DCAF1: variants seen among roughly 807,000 people sequenced by gnomAD.
DCAF1 encodes DDB1 and CUL4 associated factor 1.
In DCAF1, 15 loss-of-function variants were observed where a neutral mutation model predicts 128.0. The observed-to-expected ratio is 0.12, with a 90% confidence interval of 0.08 to 0.18. DCAF1 has a LOEUF of 0.18. Ranked by LOEUF, DCAF1 falls within the 10% of genes least tolerant of loss-of-function variation. The pLI is 1.00. For synonymous variants in DCAF1, 610 were observed against 603.0 expected (o/e 1.01, Z -0.17); for missense variants, 988 against 1,649.5 (o/e 0.60, Z 6.95).
chr3:51,437,787 C>T (rs1455575972), intron 9 of DCAF1, among the ~76,000 whole-genome samples: 1 of 151,824 alleles, frequency 6.6e-6, no homozygotes, highest in Non-Finnish European at 1.5e-5. Context: ...TGCACTCCAG[C>T]CTGGGTGACA....
Position 51,455,343 on chromosome 3 carries a change from T to C in DCAF1, c.375+7771A>G, listed in dbSNP as rs186998260. ...CACATGGGCCAGGCATGGTGTCTCA[T>C]GTCTGTAATCCCAGCACTTTGGGAG... On this transcript the variant is annotated intron_variant, in intron 6 of 24. Coordinates refer to ENST00000684031, the MANE Select transcript of DCAF1 (RefSeq NM_001387579.1). 8.6e-5 allele frequency among the ~76,000 whole-genome samples: 13 copies of C among 151,900 alleles called. No individual in the cohort carries two copies. The South Asian group carries it at 1.5e-3, about 17-fold the overall frequency.
At chr3:51,477,064 A>G (rs1363261582) in intron 3 of DCAF1, among the ~76,000 whole-genome samples, 4 of 152,058 alleles carry the variant, frequency 2.6e-5, no homozygotes, top group Non-Finnish European at 5.9e-5. Context: ...CCTGAGCGAC[A>G]GAGTGAGACT....
chr3:51,473,744 G>C (rs1034176496), intron 3 of DCAF1, among the ~76,000 whole-genome samples: 2 of 151,480 alleles, frequency 1.3e-5, no homozygotes, highest in Non-Finnish European at 2.9e-5. Flanking sequence ...CTGGGCTCAA[G>C]CCCACCCTGG....
chr3:51,491,360 A>T lies in DCAF1; in HGVS notation c.-9+5374T>A, dbSNP rs1244332778. Among the ~76,000 whole-genome samples the T allele has an allele frequency of 5.9e-5, 9 of 152,182 alleles. No individual in the cohort carries two copies. The East Asian group carries it at 1.7e-3, about 29-fold the overall frequency. On this transcript the variant is annotated intron_variant, in intron 2 of 24. Transcript: ENST00000684031. ...AGACTATGTCTCCAAAAAAAAAAAA[A>T]AAAGTTGGAAAAATCACACTTCTGA... is the stretch of plus-strand genomic sequence containing the variant.
rs115956678 is a variant in DCAF1 at position 51,446,528 on chromosome 3, G to A, written c.376-2625C>T. ...CTCCTATAGTTCACGCTACTTGGGA[G>A]GCTGAGGCAGGAAGATCACTTGAGC... is the stretch of plus-strand genomic sequence containing the variant. On this transcript the variant is annotated intron_variant, in intron 6 of 24. Transcript: ENST00000684031. 4.4e-3 allele frequency among the ~76,000 whole-genome samples: 663 copies of A among 152,258 alleles called. 3 individuals are homozygous for A. The highest frequency in any genetic ancestry group is 0.015 in the African/African-American group (631 of 41,566).
chr3:51,440,910 T>C (rs1701301204), intron 9 of DCAF1, 60 bp downstream of exon 9: 1 of 1,436,044 alleles, frequency 7.0e-7, no homozygotes. Flanking sequence ...CATCTTAAAT[T>C]TAAAAAAAAA....
rs1385248872 is a variant in DCAF1 at position 51,418,542 on chromosome 3, A to G, written c.3435+136T>C. On this transcript the variant is annotated intron_variant, in intron 16 of 24. Transcript: ENST00000684031. Reference sequence around the variant, plus strand: ...TTCCTCAGTCTCCATCTGAAATATGAATTAACCTCAACTAGACTTTCCAGT... The same window carrying G: ...TTCCTCAGTCTCCATCTGAAATATGGATTAACCTCAACTAGACTTTCCAGT... The G allele has an allele frequency of 9.9e-6, 14 of 1,412,772 alleles. No individual in the cohort carries two copies. The East Asian group carries it at 2.9e-4, about 30-fold the overall frequency. 87.5% of individuals were successfully genotyped at this position (1,412,772 alleles called of 1,614,324 possible). A position where few individuals can be genotyped will look rare whatever the true frequency, so the allele number is the denominator to read the frequency against.
At chr3:51,481,113 C>T (rs1706138788) in intron 3 of DCAF1, among the ~76,000 whole-genome samples, 1 of 152,118 alleles carries the variant, frequency 6.6e-6, no homozygotes, top group Admixed American at 6.6e-5. Flanking sequence ...GTGAAAACAA[C>T]TTTTTATGCA....
intron 1 of DCAF1, among the ~76,000 whole-genome samples, chr3:51,498,128 G>A (rs1395485694): frequency 6.2e-5 from 9 of 145,410 alleles, no homozygotes; most frequent in South Asian, 2.2e-4. Flanking sequence ...TTGGGAGGCC[G>A]AGGTGGGCAG....
intron 3 of DCAF1, 135 bp from the exon 4 acceptor site, chr3:51,471,140 GA>G: frequency 2.1e-6 from 1 of 482,332 alleles, no homozygotes; most frequent in Non-Finnish European, 3.7e-6. Flanking sequence ...GATGTACATA[GA>G]AATCTACACA....
Position 51,420,295 on chromosome 3 carries a change from G to A in DCAF1, c.2675C>T (p.Ala892Val), listed in dbSNP as rs1699282785. 6.2e-7 allele frequency: 1 copy of A among 1,613,920 alleles called. No homozygotes were observed. The highest frequency in any genetic ancestry group is 1.7e-5 in the Admixed American group (1 of 60,004). The change falls in exon 15 of 25, where the codon GCT becomes GTT. Residue 892 changes from alanine to valine, a missense_variant. By Grantham distance (64) the Ala-to-Val change is moderately conservative. Coordinates refer to ENST00000684031, the MANE Select transcript of DCAF1 (RefSeq NM_001387579.1). The surrounding 1 kb of genome is among the most constrained non-coding windows in gnomAD (Gnocchi z 6.5). ...GGGTAGAGAGACAGGAGAAGCAGCA[G>A]CAGTGACTGGGGTAAAGGCAGAAGA... Reference protein sequence around the residue: ...SHSSAFTPVTAAASPVSLPRT... With the variant: ...SHSSAFTPVTVAASPVSLPRT...
chr3:51,432,423 G>C (rs1028670715), intron 10 of DCAF1, among the ~76,000 whole-genome samples: 15 of 151,270 alleles, frequency 9.9e-5, no homozygotes, highest in Non-Finnish European at 1.8e-4. Flanking sequence ...CGATATAAAC[G>C]TGTGTGTGAA....
intron 16 of DCAF1, 61 bp downstream of exon 16, chr3:51,418,617 C>T (rs1464311800): frequency 6.5e-7 from 1 of 1,549,810 alleles, no homozygotes; most frequent in Non-Finnish European, 8.7e-7. Context: ...GCCTCCTTTA[C>T]TCTAGTTCAC....
chr3:51,485,948 G>C (rs1370216657), intron 2 of DCAF1, among the ~76,000 whole-genome samples: 2 of 151,000 alleles, frequency 1.3e-5, no homozygotes, highest in African/African-American at 4.9e-5. Context: ...CTGGAGCGCA[G>C]TGGCGCCATC....
chr3:51,490,519 A>C (rs1707510075), intron 2 of DCAF1, among the ~76,000 whole-genome samples: 1 of 152,240 alleles, frequency 6.6e-6, no homozygotes, highest in Non-Finnish European at 1.5e-5. Context: ...CCTAAATTTT[A>C]AATAACCTAA....
At chr3:51,466,139 T>C (rs7634016) in intron 5 of DCAF1, among the ~76,000 whole-genome samples, 13,485 of 152,126 alleles carry the variant, frequency 0.089, 736 homozygotes, top group African/African-American at 0.12. Context: ...AAAGCAGAGG[T>C]TGCAGTAAGC....
chr3:51,498,666 A>G (rs1158786925), intron 1 of DCAF1, among the ~76,000 whole-genome samples: 1 of 152,226 alleles, frequency 6.6e-6, no homozygotes, highest in Non-Finnish European at 1.5e-5. Context: ...ACTAAGTACA[A>G]AATGATTTCC....
In DCAF1 at chr3:51,412,483, G is replaced by A; in HGVS notation, c.4111-3C>T. 1 of 1,613,836 alleles carries A rather than the reference G, an allele frequency of 6.2e-7. No homozygotes were observed. The highest frequency in any genetic ancestry group is 1.1e-5 in the South Asian group (1 of 91,078). On this transcript the variant is annotated splice_region_variant and splice_polypyrimidine_tract_variant and intron_variant, in intron 22 of 24. Coordinates refer to ENST00000684031, the MANE Select transcript of DCAF1 (RefSeq NM_001387579.1). ...AGGGCATCCATGCTGCCTTGATTCT[G>A]AAATAGAACATCCAGTCCATAAGGA...
At chr3:51,467,011 GATT>G (rs1704194438) in intron 4 of DCAF1, 135 bp from the exon 5 acceptor site, 2 of 688,716 alleles carry the variant, frequency 2.9e-6, no homozygotes, top group Admixed American at 5.5e-5. Context: ...AGAAACAAAA[GATT>G]ATTGTGCTAA....
Sources: allele counts gnomAD v4.1 joint callset (sites outside exome capture counted in the v4.1 genomes callset), GRCh38; gene constraint gnomAD v4.1.1; non-coding constraint Gnocchi (gnomAD v3.1); transcripts MANE v1.5; gene names NCBI Gene and HGNC (gene_info 2026-07-23, HGNC 2026-07-21).